SGPP2: variants seen among roughly 807,000 people sequenced by gnomAD.
The protein encoded by SGPP2 is sphingosine-1-phosphate phosphatase 2.
SGPP2 carries 30 observed loss-of-function variants against 33.9 expected under a neutral mutation model. The observed-to-expected ratio is 0.89, with a 90% CI of 0.66 to 1.20. The LOEUF (loss-of-function observed/expected upper bound fraction) is 1.20, where lower values mean the gene tolerates loss of function less well. SGPP2 is among the 50% of genes most tolerant of loss of function. The pLI is 0.00. For missense variants in SGPP2, 458 were observed against 532.1 expected, an observed-to-expected ratio of 0.86 and a Z score of 1.37; for synonymous variants, 233 against 225.0, an observed-to-expected ratio of 1.04 and a Z score of -0.32.
chr2:222,550,271 A>G lies in SGPP2; in HGVS notation c.649-8076A>G, dbSNP rs1454457352. Among the ~76,000 whole-genome samples, 2 of 152,126 alleles carry G rather than the reference A, an allele frequency of 1.3e-5. No individual in the cohort carries two copies. Among genetic ancestry groups the G allele is most frequent in the African/African-American group, 4.8e-5 (2 of 41,438 alleles). On this transcript the variant is annotated intron_variant, in intron 4 of 4. Coordinates refer to ENST00000321276, the MANE Select transcript of SGPP2 (RefSeq NM_152386.4). This position sits in a 1 kb window ranked among gnomAD's most constrained non-coding sequence, Gnocchi z 4.5. ...TAGGGATATTTCTTTTTTTGGCATG[A>G]TGTGAAAATTATAAACAATCATTTC...
chr2:222,462,005 A>G (rs10932956), intron 1 of SGPP2, among the ~76,000 whole-genome samples: 33,960 of 152,114 alleles, frequency 0.22, 4,424 homozygotes, highest in Middle Eastern at 0.31. Context: ...GCCTCAGCAC[A>G]GCGACCGTCA....
rs116128339 is a variant in SGPP2 at position 222,507,693 on chromosome 2, C to T, written c.379-14074C>T. ...TCTGTTTGCAAAGCATGTCTCCTGCCCACTCCAGATCTCAGTTCTAATCCC... is the reference window on the plus strand; with the variant it reads ...TCTGTTTGCAAAGCATGTCTCCTGCTCACTCCAGATCTCAGTTCTAATCCC... On this transcript the variant is annotated intron_variant, in intron 2 of 4. Transcript: ENST00000321276. Among the ~76,000 whole-genome samples the T allele has an allele frequency of 4.7e-3, 716 of 152,160 alleles. 8 individuals are homozygous for T. The highest frequency in any genetic ancestry group is 0.016 in the African/African-American group (674 of 41,506).
At chr2:222,463,496 T>C (rs990444691) in intron 1 of SGPP2, among the ~76,000 whole-genome samples, 3 of 152,190 alleles carry the variant, frequency 2.0e-5, no homozygotes, top group Non-Finnish European at 2.9e-5. Context: ...CTCTTGAGAA[T>C]TGAGCCCAGT....
At chr2:222,493,297 C>T (rs986450999) in intron 2 of SGPP2, among the ~76,000 whole-genome samples, 1 of 152,162 alleles carries the variant, frequency 6.6e-6, no homozygotes, top group East Asian at 1.9e-4. Context: ...GGAAGAGGCA[C>T]ATCTTACAAG....
intron 1 of SGPP2, among the ~76,000 whole-genome samples, chr2:222,432,635 G>A (rs1182840395): frequency 6.6e-6 from 1 of 152,166 alleles, no homozygotes; most frequent in African/African-American, 2.4e-5. Context: ...AAACCTCAGA[G>A]AAAAGAGGGA....
chr2:222,506,878 A>AATATATAT (rs990305807), intron 2 of SGPP2, among the ~76,000 whole-genome samples: 2 of 151,716 alleles, frequency 1.3e-5, no homozygotes, highest in Non-Finnish European at 2.9e-5. Flanking sequence ...AAGTATAATA[A>AATATATAT]ATATATATAT....
intron 1 of SGPP2, among the ~76,000 whole-genome samples, chr2:222,441,942 A>T (rs1190611288): frequency 2.0e-5 from 3 of 152,208 alleles, no homozygotes; most frequent in Non-Finnish European, 4.4e-5. Flanking sequence ...ACGAAACAAA[A>T]TGGTACCCCC....
At chr2:222,555,942 C>T (rs903491886) in intron 4 of SGPP2, among the ~76,000 whole-genome samples, 6 of 152,168 alleles carry the variant, frequency 3.9e-5, no homozygotes, top group Non-Finnish European at 2.9e-5. Flanking sequence ...ATTACCCCTG[C>T]GCTATTCACT....
intron 2 of SGPP2, among the ~76,000 whole-genome samples, chr2:222,487,528 T>C (rs1271391031): frequency 6.6e-6 from 1 of 152,076 alleles, no homozygotes; most frequent in African/African-American, 2.4e-5. Flanking sequence ...ATATTTAGTG[T>C]TTTTCATCAT....
rs141835288 is a variant in SGPP2 at position 222,502,188 on chromosome 2, G to A, written c.379-19579G>A. Among the ~76,000 whole-genome samples, 262 of 152,280 alleles carry A rather than the reference G, an allele frequency of 1.7e-3. 1 individual carries two copies. Among genetic ancestry groups the A allele is most frequent in the African/African-American group, 6.1e-3 (254 of 41,548 alleles). On this transcript the variant is annotated intron_variant, in intron 2 of 4. Transcript: ENST00000321276. ...AACTTTTTGAAACCACCAGGAATCA[G>A]GATATATACATTACAATGTCTTGAG...
Position 222,452,460 on chromosome 2 carries a change from AGTAC to A in SGPP2, c.220-22107_220-22104del, listed in dbSNP as rs547245377. ...TTAGGAATAAATCCATGGTTTGTGG[AGTAC>A]TAAAATACCTAGTTGTCTGCTTTAT... On this transcript the variant is annotated intron_variant, in intron 1 of 4. Coordinates refer to ENST00000321276, the MANE Select transcript of SGPP2 (RefSeq NM_152386.4). 494 of 806,260 alleles carry A rather than the reference AGTAC, an allele frequency of 6.1e-4. 1 individual carries two copies. The African/African-American group carries it at 6.7e-3, about 11-fold the overall frequency. 49.9% of individuals were successfully genotyped at this position (806,260 alleles called of 1,614,324 possible).
intron 2 of SGPP2, chr2:222,504,550 G>A (rs1199624419): frequency 6.6e-6 from 1 of 152,166 alleles, no homozygotes; most frequent in Non-Finnish European, 1.5e-5. Flanking sequence ...TGTCTAAGAC[G>A]GTAAAGAGTG....
At chr2:222,517,281 C>G (rs1698617887) in intron 2 of SGPP2, among the ~76,000 whole-genome samples, 1 of 152,150 alleles carries the variant, frequency 6.6e-6, no homozygotes, top group Admixed American at 6.5e-5. Context: ...CATATAAACC[C>G]CAAATCCCAG....
At chr2:222,473,911 C>CAA (rs1697888604) in intron 1 of SGPP2, among the ~76,000 whole-genome samples, 1 of 126,044 alleles carries the variant, frequency 7.9e-6, no homozygotes, top group Non-Finnish European at 1.6e-5. Context: ...GCAACAAGAG[C>CAA]AAAACTCTGT....
At chr2:222,527,925 G>A (rs962565598) in intron 4 of SGPP2, among the ~76,000 whole-genome samples, 33 of 152,254 alleles carry the variant, frequency 2.2e-4, no homozygotes, top group Admixed American at 2.0e-3. Flanking sequence ...AGATCTGGGA[G>A]CTCTTGTGGT....
intron 1 of SGPP2, among the ~76,000 whole-genome samples, chr2:222,459,960 A>G (rs1269386671): frequency 6.6e-6 from 1 of 152,236 alleles, no homozygotes; most frequent in Non-Finnish European, 1.5e-5. Context: ...AAAAGAAATG[A>G]GAACCACATT....
chr2:222,551,787 G>A (rs1211317039), intron 4 of SGPP2, among the ~76,000 whole-genome samples: 1 of 152,162 alleles, frequency 6.6e-6, no homozygotes, highest in African/African-American at 2.4e-5. Flanking sequence ...TGAGAATTTG[G>A]TTACAAATCA....
rs1340244072 is a variant in SGPP2, at chr2:222,476,796, G to T, written c.378+2070G>T. Among the ~76,000 whole-genome samples, 1 of 151,784 alleles carries T rather than the reference G, an allele frequency of 6.6e-6. No individual in the cohort carries two copies. The highest frequency in any genetic ancestry group is 2.4e-5 in the African/African-American group (1 of 41,300). On this transcript the variant is annotated intron_variant, in intron 2 of 4. Coordinates refer to ENST00000321276, the MANE Select transcript of SGPP2 (RefSeq NM_152386.4). The surrounding 1 kb of genome is among the most constrained non-coding windows in gnomAD (Gnocchi z 4.3). ...TATGCGTATGTGTGTATACAGGTGT[G>T]TGTATATCCGTGCGTGTATATAGGT...
At chr2:222,546,272 A>G (rs978593791) in intron 4 of SGPP2, among the ~76,000 whole-genome samples, 1 of 152,190 alleles carries the variant, frequency 6.6e-6, no homozygotes, top group African/African-American at 2.4e-5. Flanking sequence ...CTGAGCACTC[A>G]CCGCATTTCT....
Sources: gnomAD v4.1 joint callset for allele counts (sites outside exome capture counted in the v4.1 genomes callset) on GRCh38, gnomAD v4.1.1 for gene constraint, Gnocchi (gnomAD v3.1) non-coding constraint, MANE v1.5 for transcripts, NCBI Gene and HGNC (gene_info 2026-07-23, HGNC 2026-07-21) for gene names.